Variants in HIBCH observed in about 807,000 individuals in gnomAD.
HIBCH encodes 3-hydroxyisobutyryl-CoA hydrolase.
HIBCH carries 50 observed loss-of-function variants against 58.2 expected under a neutral mutation model. The ratio of observed to expected loss-of-function variants is 0.86; its 90% CI spans 0.68 to 1.09. The LOEUF (loss-of-function observed/expected upper bound fraction) is 1.09. Ranked by LOEUF, HIBCH falls within the 50% of genes least tolerant of loss-of-function variation. The probability of loss-of-function intolerance (pLI) is 0.00; values close to 1 mark genes in which losing one functional copy is unlikely to be tolerated. For missense variants in HIBCH, 450 were observed against 449.7 expected, an observed-to-expected ratio of 1.00 and a Z score of -0.01; for synonymous variants, 151 against 146.9, an observed-to-expected ratio of 1.03 and a Z score of -0.20.
At chr2:190,192,724 T>C (rs1482779232) in intron 1 of HIBCH, among the ~76,000 whole-genome samples, 1 of 152,196 alleles carries the variant, frequency 6.6e-6, no homozygotes, top group Non-Finnish European at 1.5e-5. Flanking sequence ...ACGTACACAA[T>C]ACAAAATGCA....
rs186643498 is a variant in HIBCH at position 190,204,906 on chromosome 2, T to A, written c.*211A>T. On this transcript the variant is annotated 3_prime_UTR_variant, in exon 14 of 14. Coordinates refer to ENST00000359678, the MANE Select transcript of HIBCH (RefSeq NM_014362.4). ...CACAGATAATATATAAACAGATGAG[T>A]ATAGCTAGTTCCAATAAAGCTTTAT... The A allele has an allele frequency of 1.8e-4, 101 of 557,142 alleles. No homozygotes were observed. The highest frequency in any genetic ancestry group is 1.8e-3 in the South Asian group (89 of 50,146). 34.5% of individuals were successfully genotyped at this position (557,142 alleles called of 1,614,324 possible).
chr2:190,288,395 G>C (rs889143751), intron 5 of HIBCH, among the ~76,000 whole-genome samples: 1 of 150,924 alleles, frequency 6.6e-6, no homozygotes, highest in Non-Finnish European at 1.5e-5. Flanking sequence ...AAAGAATTTG[G>C]AAACAAAGTA....
At chr2:190,198,219 T>A (rs1690067398) in intron 1 of HIBCH, among the ~76,000 whole-genome samples, 1 of 152,202 alleles carries the variant, frequency 6.6e-6, no homozygotes, top group Non-Finnish European at 1.5e-5. Context: ...TGTAGTATTA[T>A]GAGAAACTGG....
chr2:190,209,956 G>C lies in HIBCH; in HGVS notation c.1012-1043C>G, dbSNP rs1278551014. Among the ~76,000 whole-genome samples the C allele has an allele frequency of 6.6e-6, 1 of 152,110 alleles. No individual in the cohort carries two copies. The highest frequency in any genetic ancestry group is 1.5e-5 in the Non-Finnish European group (1 of 68,014). ...TAATCCACATCCAAGCACAGTGTCC[G>C]ACACTAAGTGTTCAGTAAATATTAA... On this transcript the variant is annotated intron_variant, in intron 12 of 13. Transcript: ENST00000359678. The surrounding 1 kb of genome is among the most constrained non-coding windows in gnomAD (Gnocchi z 5.6).
At chr2:190,267,082 ATTTTTAT>A in intron 6 of HIBCH, among the ~76,000 whole-genome samples, 1 of 151,892 alleles carries the variant, frequency 6.6e-6, no homozygotes, top group Middle Eastern at 3.4e-3. Context: ...TATTTTTATT[ATTTTTAT>A]TTTTTATTTT....
intron 6 of HIBCH, among the ~76,000 whole-genome samples, chr2:190,268,666 T>C (rs982512337): frequency 6.6e-6 from 1 of 152,234 alleles, no homozygotes; most frequent in Non-Finnish European, 1.5e-5. Context: ...TTCAAACATA[T>C]AAATACGTTA....
In HIBCH at chr2:190,205,048, G is replaced by C; in HGVS notation, c.*69C>G. On this transcript the variant is annotated 3_prime_UTR_variant, in exon 14 of 14. Transcript: ENST00000359678. ...CAGGGTATATAAAAACAGGCAGCAG[G>C]CTGGATTTGGCCCACATGCTGTAGA... 2.5e-6 allele frequency: 2 copies of C among 797,594 alleles called. No homozygotes were observed. The highest frequency in any genetic ancestry group is 2.2e-6 in the Non-Finnish European group (1 of 451,144). 49.4% of individuals were successfully genotyped at this position (797,594 alleles called of 1,614,324 possible).
chr2:190,283,550 C>T (rs569081919), intron 6 of HIBCH, among the ~76,000 whole-genome samples: 20 of 152,250 alleles, frequency 1.3e-4, no homozygotes, highest in African/African-American at 4.1e-4. Context: ...CATTCGAGTG[C>T]TATTTCTTTT....
chr2:190,261,684 T>TA (rs1420305920), intron 6 of HIBCH, among the ~76,000 whole-genome samples: 22 of 152,198 alleles, frequency 1.4e-4, no homozygotes. Context: ...TCACCTGGCC[T>TA]AGCTGACCTC....
chr2:190,244,054 A>G (rs576178099), intron 11 of HIBCH, among the ~76,000 whole-genome samples: 5 of 152,184 alleles, frequency 3.3e-5, no homozygotes, highest in African/African-American at 4.8e-5. Context: ...TTTTTTCTCA[A>G]TATGTTTCCT....
chr2:190,222,877 T>C (rs1025376365), intron 11 of HIBCH, among the ~76,000 whole-genome samples: 1 of 152,200 alleles, frequency 6.6e-6, no homozygotes, highest in Non-Finnish European at 1.5e-5. Flanking sequence ...AATCCAAATG[T>C]CCATCAATGA....
intron 11 of HIBCH, among the ~76,000 whole-genome samples, chr2:190,224,848 C>A (rs755383680): frequency 1.3e-5 from 2 of 152,218 alleles, no homozygotes; most frequent in Non-Finnish European, 2.9e-5. Flanking sequence ...CTCAGCACCA[C>A]ATCAGTTATT....
chr2:190,309,850 T>C (rs1049991076), intron 2 of HIBCH, among the ~76,000 whole-genome samples: 2 of 152,126 alleles, frequency 1.3e-5, no homozygotes, highest in African/African-American at 4.8e-5. Context: ...AATGCATTAT[T>C]GTGATGGTTA....
At chr2:190,308,392 A>C (rs971217539) in intron 2 of HIBCH, among the ~76,000 whole-genome samples, 3 of 152,166 alleles carry the variant, frequency 2.0e-5, no homozygotes, top group African/African-American at 7.2e-5. Flanking sequence ...AATTTAATCC[A>C]CACTGTGGCA....
At chr2:190,250,296 C>T (rs539908228) in intron 8 of HIBCH, 2 of 434,986 alleles carry the variant, frequency 4.6e-6, no homozygotes, top group Non-Finnish European at 9.4e-6. Context: ...CATAAAAAAG[C>T]TTCTAGTCCT....
At chr2:190,292,263 C>A (rs1687978517) in intron 4 of HIBCH, among the ~76,000 whole-genome samples, 1 of 151,636 alleles carries the variant, frequency 6.6e-6, no homozygotes, top group African/African-American at 2.4e-5. Context: ...TCTGATATCT[C>A]TTCCTTCAAA....
rs147510264 is a variant in HIBCH at position 190,289,282 on chromosome 2, T to C, written c.385+1123A>G. On this transcript the variant is annotated intron_variant, in intron 5 of 13. Transcript: ENST00000359678. ...CCCCATGTGTTTAATCTACTAGATA[T>C]TAATTCATGTTTTTATGCCAATATA... Among the ~76,000 whole-genome samples the C allele has an allele frequency of 5.9e-5, 9 of 152,326 alleles. No homozygotes were observed. In the East Asian group the frequency reaches 1.5e-3, roughly 26 times the overall value.
At chr2:190,259,115 A>G (rs1687012397) in intron 7 of HIBCH, among the ~76,000 whole-genome samples, 1 of 152,206 alleles carries the variant, frequency 6.6e-6, no homozygotes, top group Non-Finnish European at 1.5e-5. Context: ...CTTTGGTTCC[A>G]TATGAATTTT....
At chr2:190,316,724 C>A (rs1248732030) in intron 1 of HIBCH, among the ~76,000 whole-genome samples, 1 of 152,166 alleles carries the variant, frequency 6.6e-6, no homozygotes, top group Non-Finnish European at 1.5e-5. Flanking sequence ...TGCATTCAGG[C>A]TCATGATTCC....
Sources: allele counts gnomAD v4.1 joint callset (sites outside exome capture counted in the v4.1 genomes callset), GRCh38; gene constraint gnomAD v4.1.1; non-coding constraint Gnocchi (gnomAD v3.1); transcripts MANE v1.5; gene names NCBI Gene and HGNC (gene_info 2026-07-23, HGNC 2026-07-21).